Variants in FXR1 observed in about 807,000 individuals in gnomAD.
FXR1 encodes RNA-binding protein FXR1.
FXR1 carries 15 observed loss-of-function variants against 84.0 expected under a neutral mutation model. The observed-to-expected ratio is 0.18, with a 90% CI of 0.12 to 0.27. FXR1 has a LOEUF of 0.27. Among genes scored for constraint, FXR1 ranks in the 10% least tolerant of loss-of-function variants. FXR1 has a pLI of 1.00. For missense variants in FXR1, 480 were observed against 774.4 expected, an observed-to-expected ratio of 0.62 and a Z score of 4.51; for synonymous variants, 245 against 250.7, an observed-to-expected ratio of 0.98 and a Z score of 0.21.
In FXR1 at chr3:180,951,383, G is replaced by C; in HGVS notation, c.716G>C (p.Ser239Thr). ...GGCCTGGCAATAGGAACACATGGTAGTAACATCCAGCAAGCTAGGAAGGTT... is the reference window on the plus strand; with the variant it reads ...GGCCTGGCAATAGGAACACATGGTACTAACATCCAGCAAGCTAGGAAGGTT... ...LMGLAIGTHG[S>T]NIQQARKVPG... The change falls in exon 8 of 17, where the codon AGT (serine) becomes ACT (threonine). Residue 239 changes from serine (S) to threonine (T), a missense_variant. This residue lies in a region of FXR1 where 136 missense variants were observed against 315.4 expected (regional missense o/e 0.43). Transcript: ENST00000357559. 6.2e-7 allele frequency: 1 copy of C among 1,608,450 alleles called. No individual in the cohort carries two copies. The highest frequency in any genetic ancestry group is 8.5e-7 in the Non-Finnish European group (1 of 1,174,812).
chr3:180,932,786 T>C (rs1720087199), intron 1 of FXR1, among the ~76,000 whole-genome samples: 1 of 152,256 alleles, frequency 6.6e-6, no homozygotes, highest in South Asian at 2.1e-4. Flanking sequence ...TGCATTTTAC[T>C]GAAGGTGAAC....
At chr3:180,953,873 A>G (rs1473002224) in intron 9 of FXR1, 33 bp downstream of exon 9, 6 of 1,063,352 alleles carry the variant, frequency 5.6e-6, no homozygotes, top group African/African-American at 1.6e-5. Flanking sequence ...AAATAAGTTA[A>G]TAAACATTAT....
chr3:180,929,793 A>G (rs1292128305), intron 1 of FXR1, among the ~76,000 whole-genome samples: 1 of 152,248 alleles, frequency 6.6e-6, no homozygotes, highest in African/African-American at 2.4e-5. Context: ...CAAGTGGACT[A>G]AATTTTAGAG....
In FXR1 at chr3:180,980,508, C is replaced by A. The variant is rs1377557859; in HGVS notation, c.*4216C>A. ...TTAAAAATATTTTCCAATAGTTTTT[C>A]TAGATAAACAATTTATACTTAATTG... On this transcript the variant is annotated 3_prime_UTR_variant, in exon 17 of 17. Coordinates refer to ENST00000357559, the MANE Select transcript of FXR1 (RefSeq NM_005087.4). 1 of 151,780 alleles carries A rather than the reference C, an allele frequency of 6.6e-6. No homozygotes were observed. The highest frequency in any genetic ancestry group is 2.4e-5 in the African/African-American group (1 of 41,356). 9.4% of individuals were successfully genotyped at this position (151,780 alleles called of 1,614,324 possible).
At chr3:180,963,943 A>T (rs1385831379) in intron 13 of FXR1, among the ~76,000 whole-genome samples, 1 of 152,114 alleles carries the variant, frequency 6.6e-6, no homozygotes, top group East Asian at 1.9e-4. Context: ...TTTTGAGGAA[A>T]TATAAAACCT....
At chr3:180,950,851 G>C (rs564930246) in intron 7 of FXR1, among the ~76,000 whole-genome samples, 1 of 152,134 alleles carries the variant, frequency 6.6e-6, no homozygotes, top group South Asian at 2.1e-4. Flanking sequence ...TCATTAATTG[G>C]TCTGTGGATT....
Position 180,951,363 on chromosome 3 carries a change from G to A in FXR1, c.696G>A (p.Leu232=), listed in dbSNP as rs1456264490. The A allele has an allele frequency of 6.2e-7, 1 of 1,607,896 alleles. No individual in the cohort carries two copies. Among genetic ancestry groups the A allele is most frequent in the East Asian group, 2.2e-5 (1 of 44,448 alleles). ...TTGTGAGAGAAGATTTAATGGGCCT[G>A]GCAATAGGAACACATGGTAGTAACA... ...EFVVREDLMG[L]AIGTHGSNIQ... Residue 232 remains leucine, a synonymous_variant, in exon 8 of 17, where the codon CTG becomes CTA. Transcript: ENST00000357559.
rs1712313768 is a variant in FXR1, at chr3:180,962,958, T to C, written c.1135+18T>C. The stretch of plus-strand genomic sequence containing the variant: ...ACAGATTGGTATGGGTTTCAGACCT[T>C]CTTCCACCAGAGGGCCTGAAAAAGA... On this transcript the variant is annotated intron_variant, in intron 12 of 16. Coordinates refer to ENST00000357559, the MANE Select transcript of FXR1 (RefSeq NM_005087.4). 1.9e-6 allele frequency: 3 copies of C among 1,612,000 alleles called. No individual in the cohort carries two copies. Among genetic ancestry groups the C allele is most frequent in the East Asian group, 2.2e-5 (1 of 44,866 alleles).
chr3:180,920,142 C>T (rs1718403379), intron 1 of FXR1, among the ~76,000 whole-genome samples: 1 of 152,174 alleles, frequency 6.6e-6, no homozygotes, highest in Non-Finnish European at 1.5e-5. Flanking sequence ...TTCTTCAGAT[C>T]AGGAGCCTCA....
chr3:180,946,287 A>C (rs1721688129), intron 3 of FXR1, among the ~76,000 whole-genome samples: 1 of 152,140 alleles, frequency 6.6e-6, no homozygotes, highest in African/African-American at 2.4e-5. Flanking sequence ...CCTCTGTTCC[A>C]TTTTAGTCTT....
intron 15 of FXR1, among the ~76,000 whole-genome samples, chr3:180,970,832 T>C (rs1379902923): frequency 6.6e-6 from 1 of 152,116 alleles, no homozygotes; most frequent in Non-Finnish European, 1.5e-5. Context: ...TGATGGCAGT[T>C]TAAGTCTGAG....
In FXR1 at chr3:180,981,443, AAG is replaced by A. The variant is rs1450119148; in HGVS notation, c.*5154_*5155del. 7 of 152,050 alleles carry A rather than the reference AAG, an allele frequency of 4.6e-5. No homozygotes were observed. The highest frequency in any genetic ancestry group is 1.2e-4 in the African/African-American group (5 of 41,428). 9.4% of individuals were successfully genotyped at this position (152,050 alleles called of 1,614,324 possible). A position where few individuals can be genotyped will look rare whatever the true frequency, so the allele number is the denominator to read the frequency against. ...ACTTGCTTAAAACTAAAGGTGGAGA[AAG>A]AGTTAACTTCCAGGACAACCCATTA... On this transcript the variant is annotated 3_prime_UTR_variant, in exon 17 of 17. Transcript: ENST00000357559.
intron 11 of FXR1, 47 bp downstream of exon 11, chr3:180,961,601 C>G (rs1423597065): frequency 6.9e-6 from 6 of 866,170 alleles, no homozygotes; most frequent in South Asian, 1.4e-5. Flanking sequence ...GCTGCATTTA[C>G]TACATAAATG....
At chr3:180,941,356 C>T (rs1245978823) in intron 3 of FXR1, among the ~76,000 whole-genome samples, 1 of 151,796 alleles carries the variant, frequency 6.6e-6, no homozygotes, top group Non-Finnish European at 1.5e-5. Flanking sequence ...CCATGCTGGG[C>T]TAATTTTTGT....
intron 1 of FXR1, among the ~76,000 whole-genome samples, chr3:180,928,222 A>G (rs1272391180): frequency 1.3e-5 from 2 of 150,912 alleles, no homozygotes; most frequent in African/African-American, 2.4e-5. Context: ...TTCCTTCCCC[A>G]TTTGTAAATT....
At chr3:180,967,941 C>A in intron 13 of FXR1, 110 bp from the exon 14 acceptor site, 1 of 687,828 alleles carries the variant, frequency 1.5e-6, no homozygotes, top group Non-Finnish European at 2.6e-6. Flanking sequence ...TTCTTTGAAG[C>A]AGCCAAACAG....
chr3:180,939,505 G>A (rs1024884001), intron 3 of FXR1, among the ~76,000 whole-genome samples: 1 of 152,168 alleles, frequency 6.6e-6, no homozygotes, highest in Non-Finnish European at 1.5e-5. Flanking sequence ...CAAGGTCGGG[G>A]TGAGGGAAGG....
Position 180,963,100 on chromosome 3 carries a change from A to ATT in FXR1, c.1198+10_1198+11insTT. 1 of 1,278,670 alleles carries ATT rather than the reference A, an allele frequency of 7.8e-7. No individual in the cohort carries two copies. Among genetic ancestry groups the ATT allele is most frequent in the Non-Finnish European group, 1.1e-6 (1 of 902,326 alleles). The allele number at this position is 1,278,670 out of a possible 1,614,324, so 79.2% of individuals were successfully genotyped here. On this transcript the variant is annotated intron_variant, in intron 13 of 16. Transcript: ENST00000357559. ...TACACCTCCGGTTATGGTAAAAAAAAATTTTTTTTTTTTTTTTTTGGTAAT... is the reference window on the plus strand; with the variant it reads ...TACACCTCCGGTTATGGTAAAAAAAATTATTTTTTTTTTTTTTTTTTGGTAAT...
chr3:180,976,391 T>G lies in FXR1; in HGVS notation c.*99T>G, dbSNP rs535163006. 1.3e-6 allele frequency: 1 copy of G among 763,422 alleles called. No homozygotes were observed. The highest frequency in any genetic ancestry group is 2.6e-5 in the East Asian group (1 of 37,736). 47.3% of individuals were successfully genotyped at this position (763,422 alleles called of 1,614,324 possible). ...AGAATATGGATCGCCAGTCTTTACA[T>G]CGCACTTTCAGTTCCTCCATTTGGA... is the stretch of plus-strand genomic sequence containing the variant. On this transcript the variant is annotated 3_prime_UTR_variant, in exon 17 of 17. Transcript: ENST00000357559.
Sources: gnomAD v4.1 joint callset for allele counts (sites outside exome capture counted in the v4.1 genomes callset) on GRCh38, gnomAD v4.1.1 for gene constraint, gnomAD v4.1.1 regional missense constraint, MANE v1.5 for transcripts, NCBI Gene and HGNC (gene_info 2026-07-23, HGNC 2026-07-21) for gene names.